Variants in ADCY9 observed in about 807,000 individuals in gnomAD.
ADCY9 encodes adenylate cyclase 9.
Under a neutral mutation model 101.5 loss-of-function variants are expected in ADCY9, and 50 were observed. The observed-to-expected ratio is 0.49, with a 90% CI of 0.39 to 0.62. ADCY9 has a LOEUF of 0.62. Among genes scored for constraint, ADCY9 ranks in the 20% least tolerant of loss-of-function variants. The pLI is 0.00. For missense variants in ADCY9, 1,662 were observed against 1,800.4 expected, an observed-to-expected ratio of 0.92 and a Z score of 1.39; for synonymous variants, 905 against 769.3, an observed-to-expected ratio of 1.18 and a Z score of -2.92.
chr16:4,115,108 G>C lies in ADCY9; in HGVS notation c.335C>G (p.Thr112Ser). The C allele has an allele frequency of 6.2e-7, 1 of 1,613,910 alleles. No homozygotes were observed. The highest frequency in any genetic ancestry group is 8.5e-7 in the Non-Finnish European group (1 of 1,180,044). ...GAGCGCATACCGGAACCGGCGCTGG[G>C]TCTGCGGGAAGCAGCGCTCCAGGCA... ...EACLERCFPQ[T>S]QRRFRYALFY... is the part of the protein sequence containing the mutation. The change falls in exon 2 of 11, where the codon ACC becomes AGC. Residue 112 changes from threonine to serine, a missense_variant. Thr to Ser is a moderately conservative substitution (Grantham distance 58). Coordinates refer to ENST00000294016, the MANE Select transcript of ADCY9 (RefSeq NM_001116.4). This position sits in a 1 kb window ranked among gnomAD's most constrained non-coding sequence, Gnocchi z 6.2.
chr16:4,037,584 G>A (rs1326832486), intron 2 of ADCY9, among the ~76,000 whole-genome samples: 1 of 151,870 alleles, frequency 6.6e-6, no homozygotes, highest in African/African-American at 2.4e-5. Flanking sequence ...TCTAGTAGTG[G>A]GATTAATAAT....
intron 2 of ADCY9, among the ~76,000 whole-genome samples, chr16:4,075,650 C>T (rs2056862243): frequency 6.6e-6 from 1 of 152,118 alleles, no homozygotes; most frequent in Admixed American, 6.6e-5. Context: ...CAAAATGTGT[C>T]CTGGAGAGCT....
At chr16:4,031,664 G>C (rs562035039) in intron 2 of ADCY9, among the ~76,000 whole-genome samples, 1 of 151,130 alleles carries the variant, frequency 6.6e-6, no homozygotes, top group African/African-American at 2.4e-5. Context: ...CGGGTGGATT[G>C]TTTGAGCCCA....
At chr16:4,096,895 A>G (rs1268608320) in intron 2 of ADCY9, among the ~76,000 whole-genome samples, 1 of 149,828 alleles carries the variant, frequency 6.7e-6, no homozygotes, top group African/African-American at 2.4e-5. Flanking sequence ...GGAAGGGGGA[A>G]AAAAAAAAGA....
intron 2 of ADCY9, among the ~76,000 whole-genome samples, chr16:4,056,812 AC>A (rs2056741193): frequency 6.6e-6 from 1 of 152,140 alleles, no homozygotes; most frequent in African/African-American, 2.4e-5. Context: ...GCAGAGGTTT[AC>A]CTGTGTTTTT....
At chr16:4,002,232 TTA>T (rs2056335834) in intron 3 of ADCY9, among the ~76,000 whole-genome samples, 1 of 152,188 alleles carries the variant, frequency 6.6e-6, no homozygotes, top group African/African-American at 2.4e-5. Flanking sequence ...CTATATATAT[TTA>T]TATATGTATG....
intron 9 of ADCY9, among the ~76,000 whole-genome samples, chr16:3,976,002 T>C (rs1464186024): frequency 1.3e-5 from 2 of 152,180 alleles, no homozygotes; most frequent in African/African-American, 4.8e-5. Flanking sequence ...TTTTTATTTT[T>C]ATTTTTGGAG....
chr16:3,997,411 C>G (rs1454710047), intron 3 of ADCY9, among the ~76,000 whole-genome samples: 1 of 152,208 alleles, frequency 6.6e-6, no homozygotes, highest in Non-Finnish European at 1.5e-5. Context: ...CTCTGGGGGC[C>G]TGGGGCAGTG....
chr16:4,079,468 C>G (rs546378009), intron 2 of ADCY9, among the ~76,000 whole-genome samples: 1 of 152,262 alleles, frequency 6.6e-6, no homozygotes, highest in Non-Finnish European at 1.5e-5. Flanking sequence ...ACTGGGGAGT[C>G]TGAGGCAGGA....
intron 2 of ADCY9, among the ~76,000 whole-genome samples, chr16:4,041,785 C>T (rs1286722020): frequency 3.3e-5 from 5 of 149,922 alleles, no homozygotes; most frequent in Admixed American, 6.7e-5. Context: ...AAGGTTTCAC[C>T]GTGTTGCCCA....
At chr16:3,958,085 T>C (rs911239275), downstream of ADCY9, among the ~76,000 whole-genome samples, 1 of 151,874 alleles carries the variant, frequency 6.6e-6, no homozygotes. Context: ...GACGTCTGGG[T>C]CCCCAACCAT....
intron 2 of ADCY9, among the ~76,000 whole-genome samples, chr16:4,073,283 C>T (rs1375647463): frequency 2.6e-5 from 4 of 151,726 alleles, no homozygotes; most frequent in Non-Finnish European, 4.4e-5. Context: ...GACGGGGTTT[C>T]GCCTTGTCAG....
At position 4,114,781 on chromosome 16, in the gene ADCY9, A is replaced by G; in HGVS notation, c.662T>C (p.Val221Ala). ...ARPTDTCLSQ[V>A]GSFSMCIEVL... ...TTCGATGCACATGGAGAAGCTCCCCACTTGAGATAAGCAAGTATCTGTGGG... is the reference window on the plus strand; with the variant it reads ...TTCGATGCACATGGAGAAGCTCCCCGCTTGAGATAAGCAAGTATCTGTGGG... The change falls in exon 2 of 11, where the codon GTG becomes GCG. Residue 221 changes from valine (V) to alanine (A), a missense_variant. Coordinates refer to ENST00000294016, the MANE Select transcript of ADCY9 (RefSeq NM_001116.4). This position sits in a 1 kb window ranked among gnomAD's most constrained non-coding sequence, Gnocchi z 4.3. 6.2e-7 allele frequency: 1 copy of G among 1,613,284 alleles called. No individual in the cohort carries two copies. The highest frequency in any genetic ancestry group is 8.5e-7 in the Non-Finnish European group (1 of 1,180,038).
At chr16:4,068,151 T>A (rs2056811787) in intron 2 of ADCY9, among the ~76,000 whole-genome samples, 2 of 152,188 alleles carry the variant, frequency 1.3e-5, no homozygotes, top group African/African-American at 2.4e-5. Context: ...GACAAGCTCA[T>A]ATCCCACCTG....
At chr16:3,996,178 T>C (rs1042660083) in intron 3 of ADCY9, among the ~76,000 whole-genome samples, 4 of 152,072 alleles carry the variant, frequency 2.6e-5, no homozygotes, top group Admixed American at 6.6e-5. Context: ...CTGGGCAACA[T>C]AGGGAGACCT....
At chr16:4,043,552 T>C (rs1395531325) in intron 2 of ADCY9, among the ~76,000 whole-genome samples, 1 of 151,076 alleles carries the variant, frequency 6.6e-6, no homozygotes, top group Non-Finnish European at 1.5e-5. Context: ...CACGTGCCTG[T>C]AATCTCAGCT....
chr16:4,088,355 G>T (rs190205828), intron 2 of ADCY9, among the ~76,000 whole-genome samples: 1 of 151,932 alleles, frequency 6.6e-6, no homozygotes, highest in African/African-American at 2.4e-5. Flanking sequence ...GCAGCAGCAT[G>T]ATCTCAGCTC....
rs375586019 is a variant in ADCY9, at chr16:3,966,720, G to C, written c.3117C>G (p.His1039Gln). The change falls in exon 11 of 11, where the codon CAC (histidine) becomes CAG (glutamine). Residue 1039 changes from histidine (H) to glutamine (Q), a missense_variant. Physicochemically the swap from His to Gln is conservative, Grantham distance 24. Around this residue, in one of 5 missense-constraint regions of ADCY9, gnomAD observed 220 missense variants for 312.9 expected, o/e 0.70. Coordinates refer to ENST00000294016, the MANE Select transcript of ADCY9 (RefSeq NM_001116.4). ...GGGACACCTTCAGCTGCTCAGCCAC[G>C]TGGTAGGGGATGATGTTCCTCAGCA... ...DWLLRNIIPYHVAEQLKVSQT... is the reference protein window; with the variant it reads ...DWLLRNIIPYQVAEQLKVSQT... The C allele has an allele frequency of 1.2e-6, 2 of 1,614,186 alleles. No individual in the cohort carries two copies. Among genetic ancestry groups the C allele is most frequent in the South Asian group, 2.2e-5 (2 of 91,084 alleles).
intron 2 of ADCY9, among the ~76,000 whole-genome samples, chr16:4,089,167 T>G (rs2056958079): frequency 1.3e-5 from 2 of 152,002 alleles, no homozygotes; most frequent in Non-Finnish European, 2.9e-5. Context: ...CTCCACCTCC[T>G]GGGCTCAGGT....
Sources: gnomAD v4.1 joint callset for allele counts (sites outside exome capture counted in the v4.1 genomes callset) on GRCh38, gnomAD v4.1.1 for gene constraint, gnomAD v4.1.1 regional missense constraint, Gnocchi (gnomAD v3.1) non-coding constraint, MANE v1.5 for transcripts, NCBI Gene and HGNC (gene_info 2026-07-23, HGNC 2026-07-21) for gene names.